TP63: variants seen among roughly 807,000 people sequenced by gnomAD.
TP63 encodes tumor protein 63.
A neutral mutation model predicts 82.8 loss-of-function variants in TP63; 17 were observed. That is an observed-to-expected ratio of 0.21 (90% CI 0.14 to 0.31). TP63 has a LOEUF of 0.31. Ranked by LOEUF, TP63 falls within the 10% of genes least tolerant of loss-of-function variation. TP63 has a pLI of 1.00. For missense variants in TP63, 648 were observed against 895.3 expected (o/e 0.72, Z 3.52); for synonymous variants, 330 against 321.7 (o/e 1.03, Z -0.28).
chr3:189,780,458 G>A (rs1724143429), intron 3 of TP63, among the ~76,000 whole-genome samples: 1 of 152,138 alleles, frequency 6.6e-6, no homozygotes, highest in South Asian at 2.1e-4. Context: ...CTTGAAGTTG[G>A]ATTTGGTTTT....
At chr3:189,781,130 G>T (rs959032603) in intron 3 of TP63, among the ~76,000 whole-genome samples, 1 of 152,132 alleles carries the variant, frequency 6.6e-6, no homozygotes, top group Non-Finnish European at 1.5e-5. Flanking sequence ...AGACTAGATA[G>T]CTATGTCAAG....
At chr3:189,775,653 T>C in intron 3 of TP63, among the ~76,000 whole-genome samples, 1 of 152,212 alleles carries the variant, frequency 6.6e-6, no homozygotes, top group East Asian at 1.9e-4. Context: ...TCTAACCTTC[T>C]ATCTCTCTTT....
intron 1 of TP63, among the ~76,000 whole-genome samples, chr3:189,674,891 C>T (rs546155979): frequency 3.9e-5 from 6 of 152,180 alleles, no homozygotes; most frequent in East Asian, 1.9e-4. Context: ...AGTGTAAAAA[C>T]GGGTTAGGTT....
intron 3 of TP63, among the ~76,000 whole-genome samples, chr3:189,807,285 A>C (rs1029413318): frequency 2.0e-5 from 3 of 152,250 alleles, no homozygotes; most frequent in Admixed American, 2.0e-4. Context: ...AAGATTCAGC[A>C]CCGAAAGCCC....
chr3:189,794,863 A>G (rs1046926633), intron 3 of TP63, among the ~76,000 whole-genome samples: 2 of 152,016 alleles, frequency 1.3e-5, no homozygotes, highest in Non-Finnish European at 2.9e-5. Context: ...AGAAATATCT[A>G]TCAGTTCTCT....
intron 3 of TP63, among the ~76,000 whole-genome samples, chr3:189,749,013 A>G (rs939780547): frequency 6.6e-6 from 1 of 152,138 alleles, no homozygotes; most frequent in African/African-American, 2.4e-5. Context: ...CCCAACTCTC[A>G]TCACATACAA....
chr3:189,659,176 C>T (rs1713656419), intron 1 of TP63, among the ~76,000 whole-genome samples: 1 of 151,746 alleles, frequency 6.6e-6, no homozygotes, highest in Non-Finnish European at 1.5e-5. Flanking sequence ...CACCCAGTAC[C>T]CAATAGTTCA....
chr3:189,774,668 G>A (rs887893546), intron 3 of TP63, among the ~76,000 whole-genome samples: 4 of 152,142 alleles, frequency 2.6e-5, no homozygotes, highest in African/African-American at 9.7e-5. Context: ...ATGAGATGAT[G>A]TAGGTGTTGT....
chr3:189,895,678 T>C lies in TP63; in HGVS notation c.*1176T>C, dbSNP rs1406476336. Reference sequence around the variant, plus strand: ...TAAAAATCTTTTGAAGCATAGATAATATTGTTTGGTAAATGTTTCTTTTGT... The same window carrying C: ...TAAAAATCTTTTGAAGCATAGATAACATTGTTTGGTAAATGTTTCTTTTGT... On this transcript the variant is annotated 3_prime_UTR_variant, in exon 14 of 14. Coordinates refer to ENST00000264731, the MANE Select transcript of TP63 (RefSeq NM_003722.5). The C allele has an allele frequency of 4.4e-6, 1 of 228,160 alleles. No homozygotes were observed. The allele number at this position is 228,160 out of a possible 1,614,324, so 14.1% of individuals were successfully genotyped here. A position where few individuals can be genotyped will look rare whatever the true frequency, so the allele number is the denominator to read the frequency against.
intron 1 of TP63, among the ~76,000 whole-genome samples, chr3:189,636,093 T>C (rs981582560): frequency 1.3e-5 from 2 of 152,148 alleles, no homozygotes; most frequent in African/African-American, 4.8e-5. Context: ...ATCTTCAGCA[T>C]CTAATATATC....
intron 1 of TP63, among the ~76,000 whole-genome samples, chr3:189,642,136 G>A (rs1222346299): frequency 3.9e-5 from 6 of 151,990 alleles, no homozygotes; most frequent in Non-Finnish European, 8.8e-5. Flanking sequence ...AACAGTTGCA[G>A]CTTTGAATAG....
At position 189,710,917 on chromosome 3, in the gene TP63, G is replaced by A. The variant is rs115451742; in HGVS notation, c.63-26823G>A. 3.2e-3 allele frequency among the ~76,000 whole-genome samples: 493 copies of A among 152,246 alleles called. 1 individual carries two copies. Among genetic ancestry groups the A allele is most frequent in the African/African-American group, 0.012 (479 of 41,542 alleles). On this transcript the variant is annotated intron_variant, in intron 1 of 13. Transcript: ENST00000264731. The stretch of plus-strand genomic sequence containing the variant: ...GGGGAATTCCTGTGCACTGACTGCT[G>A]CCAAGTTCCTAGAGTTTTAACAGCA...
chr3:189,829,810 T>C, intron 4 of TP63: 1 of 250,638 alleles, frequency 4.0e-6, no homozygotes, highest in South Asian at 3.6e-5. Context: ...TCTATACTGC[T>C]GACAGTTTTT....
rs1721460441 is a variant in TP63, at chr3:189,896,238, A to G, written c.*1736A>G. On this transcript the variant is annotated 3_prime_UTR_variant, in exon 14 of 14. Transcript: ENST00000264731. ...AAAGGTAATGTGTGGATTGCCTCTG[A>G]AAAGTGTGTATATATTTTGTGTGAA... 4.5e-6 allele frequency: 1 copy of G among 220,898 alleles called. No homozygotes were observed. The highest frequency in any genetic ancestry group is 9.1e-6 in the Non-Finnish European group (1 of 110,078). 13.7% of individuals were successfully genotyped at this position (220,898 alleles called of 1,614,324 possible).
Position 189,805,757 on chromosome 3 carries a change from G to A in TP63, c.325-2515G>A, listed in dbSNP as rs76906685. On this transcript the variant is annotated intron_variant, in intron 3 of 13. Transcript: ENST00000264731. ...GCATGGCTTATTTTGAGGTCCTGCT[G>A]ATTGCAGGCCAACAAAACAATGGCA... Among the ~76,000 whole-genome samples, 1,000 of 152,314 alleles carry A rather than the reference G, an allele frequency of 6.6e-3. 8 individuals are homozygous for A. The highest frequency in any genetic ancestry group is 0.023 in the African/African-American group (958 of 41,560).
chr3:189,881,626 T>A (rs1191035917), intron 10 of TP63: 1 of 694,470 alleles, frequency 1.4e-6, no homozygotes, highest in Non-Finnish European at 1.8e-6. Context: ...ATCACTTTGT[T>A]CCTACGTACA....
chr3:189,863,872 A>G (rs753162461), intron 4 of TP63, among the ~76,000 whole-genome samples: 39 of 152,158 alleles, frequency 2.6e-4, no homozygotes, highest in Non-Finnish European at 4.0e-4. Context: ...GTACATGCCA[A>G]TACTCTTCTT....
At chr3:189,640,277 CA>C (rs1711710053) in intron 1 of TP63, among the ~76,000 whole-genome samples, 1 of 151,982 alleles carries the variant, frequency 6.6e-6, no homozygotes, top group Non-Finnish European at 1.5e-5. Flanking sequence ...ATAAATGAGA[CA>C]AAATTTTTCA....
At chr3:189,670,865 G>A (rs1714829377) in intron 1 of TP63, among the ~76,000 whole-genome samples, 1 of 151,906 alleles carries the variant, frequency 6.6e-6, no homozygotes, top group African/African-American at 2.4e-5. Flanking sequence ...CCTTTCCCTG[G>A]TCATATATGA....
Sources: allele counts gnomAD v4.1 joint callset (sites outside exome capture counted in the v4.1 genomes callset), GRCh38; gene constraint gnomAD v4.1.1; transcripts MANE v1.5; gene names NCBI Gene and HGNC (gene_info 2026-07-23, HGNC 2026-07-21).